Variants in AHI1 observed in about 807,000 individuals in gnomAD.
AHI1 encodes jouberin.
Under a neutral mutation model 149.3 loss-of-function variants are expected in AHI1, and 123 were observed. That is an observed-to-expected ratio of 0.82 (90% CI 0.71 to 0.96). The LOEUF (loss-of-function observed/expected upper bound fraction) is 0.96. Ranked by LOEUF, AHI1 falls within the 40% of genes least tolerant of loss-of-function variation. The probability of loss-of-function intolerance (pLI) is 0.00; values close to 1 mark genes in which losing one functional copy is unlikely to be tolerated. For missense variants in AHI1, 1,439 were observed against 1,422.7 expected, an observed-to-expected ratio of 1.01 and a Z score of -0.18; for synonymous variants, 475 against 459.8, an observed-to-expected ratio of 1.03 and a Z score of -0.42.
intron 23 of AHI1, among the ~76,000 whole-genome samples, chr6:135,378,562 T>C (rs1171248344): frequency 1.3e-5 from 2 of 152,212 alleles, no homozygotes; most frequent in Non-Finnish European, 2.9e-5. Context: ...ACATATTTAT[T>C]ACACTGGCAA....
chr6:135,397,159 T>C (rs1174999982), intron 22 of AHI1, among the ~76,000 whole-genome samples: 1 of 151,946 alleles, frequency 6.6e-6, no homozygotes, highest in Non-Finnish European at 1.5e-5. Flanking sequence ...AAGTTTGGGG[T>C]AACTGTTAAT....
chr6:135,390,025 A>AT (rs1401572088), intron 23 of AHI1, among the ~76,000 whole-genome samples: 4 of 151,012 alleles, frequency 2.6e-5, no homozygotes, highest in Admixed American at 1.3e-4. Flanking sequence ...TTTTTATTTT[A>AT]TTTTTTTTAA....
At chr6:135,291,415 A>G (rs1782338031) in intron 27 of AHI1, among the ~76,000 whole-genome samples, 1 of 151,994 alleles carries the variant, frequency 6.6e-6, no homozygotes, top group East Asian at 1.9e-4. Context: ...TTCTAATCTA[A>G]TAAGACTAGA....
At chr6:135,478,146 T>C (rs1314261809) in intron 5 of AHI1, among the ~76,000 whole-genome samples, 2 of 151,880 alleles carry the variant, frequency 1.3e-5, no homozygotes, top group East Asian at 1.9e-4. Flanking sequence ...AATATGAAAA[T>C]TGGTACCAGA....
intron 5 of AHI1, chr6:135,474,483 ACTGT>A (rs1281261020): frequency 3.3e-5 from 5 of 151,474 alleles, no homozygotes; most frequent in African/African-American, 1.2e-4. Flanking sequence ...TGAGGAAGTT[ACTGT>A]CTATTCTTTT....
rs951595920 is a variant in AHI1 at position 135,283,725 on chromosome 6, T to C, written c.*1920A>G. The C allele has an allele frequency of 6.6e-6, 1 of 152,224 alleles. No homozygotes were observed. Among genetic ancestry groups the C allele is most frequent in the African/African-American group, 2.4e-5 (1 of 41,460 alleles). 9.4% of individuals were successfully genotyped at this position (152,224 alleles called of 1,614,324 possible). The stretch of plus-strand genomic sequence containing the variant: ...CATGAACATAACCCTAGTCTTACTT[T>C]GTCAGCGAGACAAAGGGGAAAAGGA... On this transcript the variant is annotated 3_prime_UTR_variant, in exon 29 of 29. Transcript: ENST00000265602.
At chr6:135,455,556 C>G (rs563059732) in intron 10 of AHI1, among the ~76,000 whole-genome samples, 178 bp downstream of exon 10, 161 of 152,256 alleles carry the variant, frequency 1.1e-3, no homozygotes, top group Non-Finnish European at 1.7e-3. Context: ...AATATGCTAT[C>G]ACTGTTTATA....
chr6:135,334,037 A>G (rs1295923619), intron 24 of AHI1, among the ~76,000 whole-genome samples: 1 of 152,242 alleles, frequency 6.6e-6, no homozygotes, highest in Admixed American at 6.5e-5. Flanking sequence ...TTAGACAACA[A>G]TAACGATAAA....
chr6:135,486,791 A>G (rs538185245), intron 5 of AHI1, among the ~76,000 whole-genome samples: 1 of 152,276 alleles, frequency 6.6e-6, no homozygotes, highest in Non-Finnish European at 1.5e-5. Flanking sequence ...TTTTTGAGAT[A>G]GGATCTCCCT....
chr6:135,459,740 T>TAAAA (rs58235668), intron 8 of AHI1, among the ~76,000 whole-genome samples: 1 of 118,554 alleles, frequency 8.4e-6, no homozygotes, highest in Non-Finnish European at 1.7e-5. Flanking sequence ...CTGACAGAAG[T>TAAAA]AAAAAAAAAA....
chr6:135,328,298 T>C (rs138583345), intron 24 of AHI1, among the ~76,000 whole-genome samples: 16 of 152,324 alleles, frequency 1.1e-4, no homozygotes, highest in African/African-American at 2.6e-4. Flanking sequence ...AACTGAAGGT[T>C]TGTGGCAACC....
At chr6:135,331,157 AAT>A (rs1375048468) in intron 24 of AHI1, among the ~76,000 whole-genome samples, 1 of 152,210 alleles carries the variant, frequency 6.6e-6, no homozygotes, top group Non-Finnish European at 1.5e-5. Flanking sequence ...TATCTTCAGC[AAT>A]ATGACTCAAA....
chr6:135,492,959 T>G (rs1795460980), intron 3 of AHI1: 1 of 969,734 alleles, frequency 1.0e-6, no homozygotes, highest in Non-Finnish European at 1.2e-6. Flanking sequence ...ATATGCATGT[T>G]TTTGAGACTA....
chr6:135,339,334 G>A (rs1789932669), intron 24 of AHI1, among the ~76,000 whole-genome samples: 1 of 152,136 alleles, frequency 6.6e-6, no homozygotes, highest in Non-Finnish European at 1.5e-5. Context: ...AGGCAAAATA[G>A]TTAACAGAAT....
At chr6:135,355,834 C>G (rs1408214017) in intron 24 of AHI1, among the ~76,000 whole-genome samples, 10 of 152,222 alleles carry the variant, frequency 6.6e-5, no homozygotes, top group African/African-American at 2.2e-4. Flanking sequence ...GGGAGACGGA[C>G]ATTGCAGTGA....
chr6:135,368,568 G>A (rs1442178592), intron 23 of AHI1, among the ~76,000 whole-genome samples: 14 of 152,150 alleles, frequency 9.2e-5, no homozygotes. Flanking sequence ...GGCGGGGCTT[G>A]CTGCAACTGC....
At position 135,411,391 on chromosome 6, in the gene AHI1, G is replaced by A. The variant is rs1183792227; in HGVS notation, c.2918C>T (p.Ser973Leu). Residue 973 changes from serine (S) to leucine (L), a missense_variant, in exon 21 of 29, where the codon TCA (serine) becomes TTA (leucine). Coordinates refer to ENST00000265602, the MANE Select transcript of AHI1 (RefSeq NM_001134831.2). ...CTGTTTTACTAGCTGCATCTTCGTTGAAGAACTTTCAGTGTGGACAAATTC... is the reference window on the plus strand; with the variant it reads ...CTGTTTTACTAGCTGCATCTTCGTTAAAGAACTTTCAGTGTGGACAAATTC... ...IDEFVHTESS[S>L]TKMQLVKQRL... The A allele has an allele frequency of 6.2e-7, 1 of 1,613,698 alleles. No homozygotes were observed. The highest frequency in any genetic ancestry group is 8.5e-7 in the Non-Finnish European group (1 of 1,179,766).
intron 24 of AHI1, among the ~76,000 whole-genome samples, chr6:135,340,845 T>C (rs1790261016): frequency 6.6e-6 from 1 of 151,204 alleles, no homozygotes; most frequent in South Asian, 2.1e-4. Context: ...ATGAACTATC[T>C]TGGAGCAAAG....
chr6:135,371,969 T>G (rs1269087076), intron 23 of AHI1, among the ~76,000 whole-genome samples: 2 of 152,200 alleles, frequency 1.3e-5, no homozygotes, highest in African/African-American at 4.8e-5. Flanking sequence ...ATGGGCAATA[T>G]CTGTAAGTTT....
Sources: allele counts gnomAD v4.1 joint callset (sites outside exome capture counted in the v4.1 genomes callset), GRCh38; gene constraint gnomAD v4.1.1; transcripts MANE v1.5; gene names NCBI Gene and HGNC (gene_info 2026-07-23, HGNC 2026-07-21).